The following WDR1 variants were observed in gnomAD, a reference collection of about 807,000 sequenced individuals.
The protein encoded by WDR1 is WD repeat-containing protein 1.
Under a neutral mutation model 71.9 loss-of-function variants are expected in WDR1, and 21 were observed. The observed-to-expected ratio is 0.29, with a 90% CI of 0.21 to 0.42. The LOEUF (loss-of-function observed/expected upper bound fraction) is 0.42. WDR1 is among the 10% of genes least tolerant of loss of function. WDR1 has a pLI of 1.00. For synonymous variants in WDR1, 424 were observed against 347.4 expected, an observed-to-expected ratio of 1.22 and a Z score of -2.45; for missense variants, 696 against 824.5, an observed-to-expected ratio of 0.84 and a Z score of 1.91.
intron 3 of WDR1, 99 bp from the exon 4 acceptor site, chr4:10,099,238 TA>T: frequency 1.0e-6 from 1 of 1,002,910 alleles, no homozygotes; most frequent in Non-Finnish European, 1.5e-6. Flanking sequence ...CACGTGGCCA[TA>T]GGCCCACTCA....
At chr4:10,085,607 T>C (rs1213463336) in intron 8 of WDR1, among the ~76,000 whole-genome samples, 1 of 152,228 alleles carries the variant, frequency 6.6e-6, no homozygotes, top group Non-Finnish European at 1.5e-5. Flanking sequence ...GAGACTTGTG[T>C]GCAGGCTCAA....
At chr4:10,099,665 G>A (rs73807215) in intron 3 of WDR1, among the ~76,000 whole-genome samples, 1,603 of 152,370 alleles carry the variant, frequency 0.011, 21 homozygotes, top group African/African-American at 0.037. Context: ...TGCCCACTGC[G>A]ATGCCTCAGC....
At chr4:10,091,118 C>T (rs558366495) in intron 5 of WDR1, among the ~76,000 whole-genome samples, 7 of 152,246 alleles carry the variant, frequency 4.6e-5, no homozygotes, top group Admixed American at 1.3e-4. Flanking sequence ...AGTACCCAGG[C>T]GGGCCCAGGG....
chr4:10,101,109 G>A (rs374363296), intron 3 of WDR1, among the ~76,000 whole-genome samples: 53 of 152,360 alleles, frequency 3.5e-4, no homozygotes, highest in African/African-American at 1.3e-3. Flanking sequence ...CTGGAACCAC[G>A]GCCCCAGCGC....
At chr4:10,092,524 C>A in intron 5 of WDR1, 1 of 157,232 alleles carries the variant, frequency 6.4e-6, no homozygotes, top group Non-Finnish European at 1.4e-5. Context: ...ATGTGTCCCT[C>A]CCTGGCCCCA....
intron 12 of WDR1, 50 bp from the exon 13 acceptor site, chr4:10,077,976 C>T (rs1319660111): frequency 6.6e-7 from 1 of 1,519,560 alleles, no homozygotes; most frequent in Non-Finnish European, 8.8e-7. Flanking sequence ...ACACACACCA[C>T]ACCCATCCTT....
chr4:10,080,412 G>A (rs751433505), intron 11 of WDR1, among the ~76,000 whole-genome samples: 1 of 152,210 alleles, frequency 6.6e-6, no homozygotes, highest in Non-Finnish European at 1.5e-5. Context: ...GCCCCGAGGC[G>A]CTCCATGTGT....
intron 5 of WDR1, among the ~76,000 whole-genome samples, chr4:10,097,458 C>T (rs1299797293): frequency 5.3e-5 from 8 of 152,232 alleles, no homozygotes; most frequent in Non-Finnish European, 2.9e-5. Context: ...CCCCAATCCC[C>T]GACAGGCACA....
intron 2 of WDR1, among the ~76,000 whole-genome samples, chr4:10,109,655 C>G (rs906691042): frequency 6.6e-6 from 1 of 152,248 alleles, no homozygotes; most frequent in African/African-American, 2.4e-5. Flanking sequence ...CAGCACCCCT[C>G]ATTGGACTAC....
intron 2 of WDR1, among the ~76,000 whole-genome samples, chr4:10,110,756 CT>C (rs770916696): frequency 5.1e-4 from 78 of 152,350 alleles, no homozygotes; most frequent in Non-Finnish European, 8.1e-4. Context: ...CTTGGTACCC[CT>C]GGCATTTGGG....
intron 6 of WDR1, 115 bp downstream of exon 6, chr4:10,088,549 G>A (rs1332460006): frequency 2.6e-6 from 3 of 1,144,762 alleles, no homozygotes; most frequent in African/African-American, 3.1e-5. Context: ...ATGTGGGGAG[G>A]GCGATGTCTA....
chr4:10,103,776 T>TGCCCCCCCCC lies in WDR1; in HGVS notation c.229+119_229+120insGGGGGGGGGC. 2 of 180,008 alleles carry TGCCCCCCCCC rather than the reference T, an allele frequency of 1.1e-5. 1 individual carries two copies. Among genetic ancestry groups the TGCCCCCCCCC allele is most frequent in the East Asian group, 3.0e-4 (2 of 6,752 alleles). The allele number at this position is 180,008 out of a possible 1,614,324, so 11.2% of individuals were successfully genotyped here. A position where few individuals can be genotyped will look rare whatever the true frequency, so the allele number is the denominator to read the frequency against. Reference sequence around the variant, plus strand: ...CCTCAACTCACCACCCCCAGCCTGCTCCCCCACCCCCCACCTCCCTCCTCC... The same window carrying TGCCCCCCCCC: ...CCTCAACTCACCACCCCCAGCCTGCTGCCCCCCCCCCCCCCACCCCCCACCTCCCTCCTCC... On this transcript the variant is annotated intron_variant, in intron 3 of 14. Transcript: ENST00000499869.
chr4:10,110,251 A>C (rs1034977554), intron 2 of WDR1, among the ~76,000 whole-genome samples: 13 of 152,304 alleles, frequency 8.5e-5, no homozygotes, highest in African/African-American at 2.9e-4. Context: ...TGAGACGGCG[A>C]AGAGACGCAC....
intron 5 of WDR1, among the ~76,000 whole-genome samples, chr4:10,094,073 A>T (rs1712176162): frequency 6.6e-6 from 1 of 152,166 alleles, no homozygotes; most frequent in South Asian, 2.1e-4. Context: ...GAGCAGTGGC[A>T]CCCCAGTGAG....
rs1184136443 is a variant in WDR1 at position 10,097,710 on chromosome 4, C to T, written c.558+1G>A. ...TTCACCCAAAAAGTAAGTTCACTTA[C>T]GCCAATTGTGAACTTGAACTTGAAT... On this transcript the variant is annotated splice_donor_variant, in intron 5 of 14. Transcript: ENST00000499869. LOFTEE classifies it high-confidence loss of function. 3 of 1,608,034 alleles carry T rather than the reference C, an allele frequency of 1.9e-6. No individual in the cohort carries two copies. The highest frequency in any genetic ancestry group is 1.7e-5 in the Admixed American group (1 of 59,600).
At position 10,116,631 on chromosome 4, in the gene WDR1, C is replaced by T. The variant is rs1401868033; in HGVS notation, c.16+20G>A. On this transcript the variant is annotated intron_variant, in intron 1 of 14. Coordinates refer to ENST00000499869, the MANE Select transcript of WDR1 (RefSeq NM_017491.5). The stretch of plus-strand genomic sequence containing the variant: ...GGGCAGCGCGGCGGCCGCTCGGGGG[C>T]CCCGCGCCGCGGCACTTACTGATCT... 10 of 1,242,286 alleles carry T rather than the reference C, an allele frequency of 8.0e-6. No homozygotes were observed. The highest frequency in any genetic ancestry group is 3.0e-5 in the South Asian group (1 of 33,394). The allele number at this position is 1,242,286 out of a possible 1,614,324, so 77.0% of individuals were successfully genotyped here. A position where few individuals can be genotyped will look rare whatever the true frequency, so the allele number is the denominator to read the frequency against.
chr4:10,108,616 G>A (rs1374799473), intron 2 of WDR1, among the ~76,000 whole-genome samples: 1 of 152,202 alleles, frequency 6.6e-6, no homozygotes, highest in Non-Finnish European at 1.5e-5. Context: ...AGCTGTTACT[G>A]CTGTAACTGA....
intron 10 of WDR1, among the ~76,000 whole-genome samples, chr4:10,081,665 G>GC (rs1443293433): frequency 2.7e-4 from 17 of 64,004 alleles, no homozygotes; most frequent in East Asian, 1.1e-3. Flanking sequence ...GGGAGGGGTG[G>GC]GGGGGGGGGA....
rs1430535465 is a variant in WDR1, at chr4:10,099,236, C to T, written c.230-97G>A. 4 of 1,009,718 alleles carry T rather than the reference C, an allele frequency of 4.0e-6. No individual in the cohort carries two copies. In the African/African-American group the frequency reaches 6.4e-5, roughly 16 times the overall value. The allele number at this position is 1,009,718 out of a possible 1,614,324, so 62.5% of individuals were successfully genotyped here. ...CACTGCCGGGCCAGGGCCACGTGGC[C>T]ATAGGCCCACTCAGAACCATGTCTG... On this transcript the variant is annotated intron_variant, in intron 3 of 14. Coordinates refer to ENST00000499869, the MANE Select transcript of WDR1 (RefSeq NM_017491.5).
Sources: gnomAD v4.1 joint callset for allele counts (sites outside exome capture counted in the v4.1 genomes callset) on GRCh38, gnomAD v4.1.1 for gene constraint, MANE v1.5 for transcripts, NCBI Gene and HGNC (gene_info 2026-07-23, HGNC 2026-07-21) for gene names.